Variants in FAM13C observed in about 807,000 individuals in gnomAD.
The protein encoded by FAM13C is protein FAM13C.
A neutral mutation model predicts 73.2 loss-of-function variants in FAM13C; 37 were observed. The observed-to-expected ratio is 0.51, with a 90% CI of 0.39 to 0.67. FAM13C has a LOEUF of 0.67. FAM13C is among the 30% of genes least tolerant of loss of function. The probability of loss-of-function intolerance (pLI) is 0.00; values close to 1 mark genes in which losing one functional copy is unlikely to be tolerated. For synonymous variants in FAM13C, 246 were observed against 260.9 expected, an observed-to-expected ratio of 0.94 and a Z score of 0.55; for missense variants, 589 against 715.6, an observed-to-expected ratio of 0.82 and a Z score of 2.02.
At chr10:59,289,094 G>A (rs1007503836) in intron 5 of FAM13C, among the ~76,000 whole-genome samples, 2 of 152,176 alleles carry the variant, frequency 1.3e-5, no homozygotes, top group Non-Finnish European at 2.9e-5. Flanking sequence ...GTTTTGGGAT[G>A]AAACTGTTCC....
chr10:59,272,340 C>G (rs1189098569), intron 6 of FAM13C, among the ~76,000 whole-genome samples: 1 of 152,182 alleles, frequency 6.6e-6, no homozygotes, highest in Non-Finnish European at 1.5e-5. Context: ...CCAAACTCCC[C>G]ATTTGAGTTG....
At chr10:59,361,046 G>A (rs1038109264) in intron 1 of FAM13C, 4 of 1,289,090 alleles carry the variant, frequency 3.1e-6, no homozygotes, top group Admixed American at 2.3e-5. Context: ...GGAGCAGGAA[G>A]TCCAGGCCTC....
At chr10:59,323,930 A>AGTTT (rs34090373) in intron 4 of FAM13C, 58 bp downstream of exon 4, 1 of 1,427,486 alleles carries the variant, frequency 7.0e-7, no homozygotes, top group African/African-American at 1.4e-5. Flanking sequence ...GCAAGCACAC[A>AGTTT]GCATTTCTGA....
chr10:59,347,047 CT>C (rs1224765662), intron 3 of FAM13C, among the ~76,000 whole-genome samples: 3 of 151,986 alleles, frequency 2.0e-5, no homozygotes, highest in Non-Finnish European at 4.4e-5. Context: ...TTAAATGGTC[CT>C]TATTTAAGGC....
intron 6 of FAM13C, among the ~76,000 whole-genome samples, chr10:59,281,333 G>C (rs1844898638): frequency 6.6e-6 from 1 of 152,138 alleles, no homozygotes; most frequent in Non-Finnish European, 1.5e-5. Flanking sequence ...CTTCCTGTAA[G>C]AGTGCATCTA....
Position 59,264,134 on chromosome 10 carries a change from T to C in FAM13C, c.975A>G (p.Glu325=). The C allele has an allele frequency of 6.2e-7, 1 of 1,612,466 alleles. No individual in the cohort carries two copies. The highest frequency in any genetic ancestry group is 8.5e-7 in the Non-Finnish European group (1 of 1,179,470). Reference sequence around the variant, plus strand: ...CCAAATCATTCATCCATTTCAGGACTTCAGGATTAGAAGTCTTGTCACCAT... The same window carrying C: ...CCAAATCATTCATCCATTTCAGGACCTCAGGATTAGAAGTCTTGTCACCAT... ...PSHGDKTSNP[E]VLKWMNDLAK... Residue 325 remains glutamate, a synonymous_variant, in exon 9 of 14, where the codon GAA becomes GAG. Transcript: ENST00000618804.
At chr10:59,309,437 G>T (rs1010776541) in intron 4 of FAM13C, among the ~76,000 whole-genome samples, 2 of 152,180 alleles carry the variant, frequency 1.3e-5, no homozygotes, top group African/African-American at 4.8e-5. Flanking sequence ...GAAGGATTTA[G>T]TATGTGCCCA....
At chr10:59,258,334 T>C (rs1433251330) in intron 10 of FAM13C, among the ~76,000 whole-genome samples, 1 of 152,070 alleles carries the variant, frequency 6.6e-6, no homozygotes, top group African/African-American at 2.4e-5. Flanking sequence ...ATTAAAATAC[T>C]CAACCAGGCA....
intron 5 of FAM13C, among the ~76,000 whole-genome samples, chr10:59,292,999 C>T (rs1381840707): frequency 6.6e-6 from 1 of 151,848 alleles, no homozygotes; most frequent in Non-Finnish European, 1.5e-5. Context: ...TCTCTCTCCC[C>T]CTTACCCTTC....
chr10:59,314,782 C>T (rs1345905396), intron 4 of FAM13C, among the ~76,000 whole-genome samples: 1 of 152,074 alleles, frequency 6.6e-6, no homozygotes, highest in African/African-American at 2.4e-5. Flanking sequence ...TGCTACTGGA[C>T]CCCTGAGAGG....
intron 4 of FAM13C, among the ~76,000 whole-genome samples, chr10:59,307,289 G>T (rs571807780): frequency 6.6e-6 from 1 of 152,220 alleles, no homozygotes; most frequent in Non-Finnish European, 1.5e-5. Flanking sequence ...CATGTGGGCA[G>T]ATTCTGCATC....
intron 5 of FAM13C, among the ~76,000 whole-genome samples, chr10:59,297,637 T>G (rs955821634): frequency 6.6e-6 from 1 of 152,132 alleles, no homozygotes; most frequent in Non-Finnish European, 1.5e-5. Context: ...CCCCCTCAGT[T>G]CCAGGGTTCC....
At chr10:59,311,709 A>G (rs1262267719) in intron 4 of FAM13C, among the ~76,000 whole-genome samples, 1 of 152,178 alleles carries the variant, frequency 6.6e-6, no homozygotes, top group Non-Finnish European at 1.5e-5. Context: ...CTCCCCTGGG[A>G]GCAGCCCGCA....
intron 3 of FAM13C, among the ~76,000 whole-genome samples, chr10:59,343,820 C>T (rs1181744441): frequency 6.6e-6 from 1 of 152,126 alleles, no homozygotes; most frequent in Admixed American, 6.5e-5. Context: ...TGGTTTAAAT[C>T]ACTACGTATT....
chr10:59,294,569 C>T (rs1846678373), intron 5 of FAM13C, among the ~76,000 whole-genome samples: 4 of 152,184 alleles, frequency 2.6e-5, no homozygotes, highest in Admixed American at 2.6e-4. Context: ...GGGTGAGGCT[C>T]ACAGACCTGG....
chr10:59,327,427 G>A (rs908169399), intron 3 of FAM13C, among the ~76,000 whole-genome samples: 5 of 152,114 alleles, frequency 3.3e-5, no homozygotes, highest in African/African-American at 4.8e-5. Context: ...GAGAAGCCAA[G>A]GCTTACTTCC....
At chr10:59,277,391 G>A (rs1844440153) in intron 6 of FAM13C, among the ~76,000 whole-genome samples, 1 of 152,106 alleles carries the variant, frequency 6.6e-6, no homozygotes, top group Non-Finnish European at 1.5e-5. Context: ...GATCATTGTA[G>A]ATTCACATGC....
chr10:59,317,126 A>ATG (rs5785374), intron 4 of FAM13C, among the ~76,000 whole-genome samples: 14,763 of 149,118 alleles, frequency 0.099, 793 homozygotes, highest in Non-Finnish European at 0.12. Context: ...ACTATACATA[A>ATG]TGTGTGTGTG....
chr10:59,327,788 G>A (rs934751397), intron 3 of FAM13C: 2 of 152,114 alleles, frequency 1.3e-5, no homozygotes, highest in Non-Finnish European at 2.9e-5. Flanking sequence ...AGTTGAGAGG[G>A]TTATAGAGAA....
Sources: allele counts gnomAD v4.1 joint callset (sites outside exome capture counted in the v4.1 genomes callset), GRCh38; gene constraint gnomAD v4.1.1; transcripts MANE v1.5; gene names NCBI Gene and HGNC (gene_info 2026-07-23, HGNC 2026-07-21).